Variants in TAFA2 observed in about 807,000 individuals in gnomAD.
TAFA2 encodes the protein TAFA chemokine like family member 2, also known as chemokine-like protein TAFA-2.
TAFA2 carries 7 observed loss-of-function variants against 18.8 expected under a neutral mutation model. That is an observed-to-expected ratio of 0.37 (90% CI 0.21 to 0.70). The LOEUF (loss-of-function observed/expected upper bound fraction) is 0.70, where lower values mean the gene tolerates loss of function less well. Among genes scored for constraint, TAFA2 ranks in the 30% least tolerant of loss-of-function variants. TAFA2 has a pLI of 0.53. For missense variants in TAFA2, 122 were observed against 158.1 expected, an observed-to-expected ratio of 0.77 and a Z score of 1.23; for synonymous variants, 60 against 54.2, an observed-to-expected ratio of 1.11 and a Z score of -0.47.
chr12:62,033,213 CA>C (rs898861810), intron 1 of TAFA2, among the ~76,000 whole-genome samples: 34 of 152,146 alleles, frequency 2.2e-4, no homozygotes, highest in Non-Finnish European at 8.8e-5. Context: ...CTTCCTGTGT[CA>C]CCTTATGAAA....
At chr12:62,099,179 A>C (rs1869078254) in intron 1 of TAFA2, among the ~76,000 whole-genome samples, 1 of 152,062 alleles carries the variant, frequency 6.6e-6, no homozygotes, top group South Asian at 2.1e-4. Context: ...ATATAGAAAC[A>C]CTCTGCCTAA....
chr12:62,185,325 T>C (rs1229450300), intron 1 of TAFA2, among the ~76,000 whole-genome samples: 1 of 152,238 alleles, frequency 6.6e-6, no homozygotes, highest in Non-Finnish European at 1.5e-5. Flanking sequence ...CCTTGGCCTT[T>C]GAATTGCTTC....
chr12:61,836,778 T>C (rs57407071), intron 2 of TAFA2, among the ~76,000 whole-genome samples: 37,070 of 138,820 alleles, frequency 0.27, 5,562 homozygotes, highest in South Asian at 0.35. Context: ...CACAAATACA[T>C]ATATATCATT....
At chr12:62,042,893 G>A (rs550706455) in intron 1 of TAFA2, among the ~76,000 whole-genome samples, 83 of 152,090 alleles carry the variant, frequency 5.5e-4, no homozygotes, top group African/African-American at 1.5e-3. Context: ...ATGCAAGACC[G>A]TCAGCACCCT....
At chr12:62,103,747 G>GAA (rs112510582) in intron 1 of TAFA2, among the ~76,000 whole-genome samples, 36 of 124,006 alleles carry the variant, frequency 2.9e-4, no homozygotes, top group Non-Finnish European at 3.3e-4. Flanking sequence ...TTCTCAAAAA[G>GAA]AAAAAAAAAA....
chr12:62,212,518 T>A (rs1456348007), intron 1 of TAFA2, among the ~76,000 whole-genome samples: 1 of 152,218 alleles, frequency 6.6e-6, no homozygotes, highest in Non-Finnish European at 1.5e-5. Context: ...TGCAAACTAT[T>A]ATAGCTGAGC....
intron 2 of TAFA2, among the ~76,000 whole-genome samples, chr12:61,803,932 T>C (rs1417532075): frequency 6.6e-6 from 1 of 152,010 alleles, no homozygotes; most frequent in Non-Finnish European, 1.5e-5. Flanking sequence ...TCACTCCATA[T>C]GTGCCAAGTG....
intron 1 of TAFA2, among the ~76,000 whole-genome samples, chr12:61,996,149 T>C (rs1880179749): frequency 6.6e-6 from 1 of 152,088 alleles, no homozygotes; most frequent in South Asian, 2.1e-4. Flanking sequence ...AGTCAAATAA[T>C]AAAGAAGTAT....
intron 1 of TAFA2, among the ~76,000 whole-genome samples, chr12:61,902,380 A>C (rs1409854214): frequency 6.6e-6 from 1 of 152,210 alleles, no homozygotes; most frequent in Non-Finnish European, 1.5e-5. Context: ...ATTTAAAAAT[A>C]TCATAGAAAC....
At chr12:62,081,542 T>C (rs1181557928) in intron 1 of TAFA2, among the ~76,000 whole-genome samples, 2 of 152,022 alleles carry the variant, frequency 1.3e-5, no homozygotes, top group Admixed American at 1.3e-4. Context: ...TGGAGTACGG[T>C]GGTGCAATCT....
At chr12:62,250,440 G>A (rs1339812718) in intron 1 of TAFA2, among the ~76,000 whole-genome samples, 2 of 152,024 alleles carry the variant, frequency 1.3e-5, no homozygotes, top group Non-Finnish European at 2.9e-5. Context: ...GTATATGTAT[G>A]ACTTGTTTTA....
intron 1 of TAFA2, among the ~76,000 whole-genome samples, chr12:61,868,527 T>G (rs1199601973): frequency 6.6e-6 from 1 of 152,126 alleles, no homozygotes; most frequent in African/African-American, 2.4e-5. Context: ...CACTTCCTGA[T>G]GTAGCCTGAT....
At chr12:61,925,073 C>A (rs1222026454) in intron 1 of TAFA2, among the ~76,000 whole-genome samples, 1 of 151,994 alleles carries the variant, frequency 6.6e-6, no homozygotes, top group Admixed American at 6.6e-5. Context: ...ACAGGAGCAC[C>A]CATATTCAAA....
chr12:62,178,511 T>G (rs2062530155), intron 1 of TAFA2, among the ~76,000 whole-genome samples: 1 of 152,202 alleles, frequency 6.6e-6, no homozygotes, highest in Admixed American at 6.5e-5. Flanking sequence ...ACTCACAAGT[T>G]AGTCTACCAT....
rs112255923 is a variant in TAFA2, at chr12:62,017,425, T to C, written c.-1-149999A>G. On this transcript the variant is annotated intron_variant, in intron 1 of 4. Coordinates refer to ENST00000416284, the MANE Select transcript of TAFA2 (RefSeq NM_178539.5). The stretch of plus-strand genomic sequence containing the variant: ...ATTCAGCAAGTATATGTATTCTTGC[T>C]ATATACAAGATGCTGTGGCAGCTAC... Among the ~76,000 whole-genome samples the C allele has an allele frequency of 3.6e-3, 541 of 152,316 alleles. 1 individual carries two copies. The highest frequency in any genetic ancestry group is 0.012 in the African/African-American group (509 of 41,586).
chr12:61,784,116 G>A (rs1477583713), intron 2 of TAFA2, among the ~76,000 whole-genome samples: 2 of 151,484 alleles, frequency 1.3e-5, no homozygotes, highest in African/African-American at 4.8e-5. Flanking sequence ...CTGGAAAAGG[G>A]AGGGGAAATA....
chr12:62,083,850 AC>A (rs1868361369), intron 1 of TAFA2, among the ~76,000 whole-genome samples: 1 of 152,232 alleles, frequency 6.6e-6, no homozygotes, highest in Non-Finnish European at 1.5e-5. Context: ...TGTGTTAGTA[AC>A]CTTAGCATTT....
intron 1 of TAFA2, among the ~76,000 whole-genome samples, chr12:62,108,905 A>G (rs1295875822): frequency 6.6e-6 from 1 of 152,156 alleles, no homozygotes; most frequent in Non-Finnish European, 1.5e-5. Flanking sequence ...AAAGATTGCA[A>G]AATTTTTCTC....
chr12:61,908,153 A>G (rs1876444084), intron 1 of TAFA2, among the ~76,000 whole-genome samples: 1 of 152,086 alleles, frequency 6.6e-6, no homozygotes, highest in African/African-American at 2.4e-5. Flanking sequence ...AAATGTGAGG[A>G]AATTAGATTT....
Sources: gnomAD v4.1 joint callset for allele counts (sites outside exome capture counted in the v4.1 genomes callset) on GRCh38, gnomAD v4.1.1 for gene constraint, MANE v1.5 for transcripts, NCBI Gene and HGNC (gene_info 2026-07-23, HGNC 2026-07-21) for gene names.